The following SLC24A2 variants were observed in gnomAD, a reference collection of about 807,000 sequenced individuals.
The protein encoded by SLC24A2 is solute carrier family 24 member 2.
Under a neutral mutation model 62.0 loss-of-function variants are expected in SLC24A2, and 36 were observed. That is an observed-to-expected ratio of 0.58 (90% confidence interval 0.44 to 0.77). The LOEUF is 0.77. Ranked by LOEUF, SLC24A2 falls within the 30% of genes least tolerant of loss-of-function variation. The pLI, the probability that SLC24A2 is intolerant of heterozygous loss-of-function variation, is 0.00. For missense variants in SLC24A2, 846 were observed against 817.9 expected (o/e 1.03, Z -0.42); for synonymous variants, 358 against 294.0 (o/e 1.22, Z -2.23).
rs77557333 is a variant in SLC24A2 at position 19,732,406 on chromosome 9, A to G, written c.930+53531T>C. On this transcript the variant is annotated intron_variant, in intron 2 of 10. Transcript: ENST00000341998. ...ATACTAGCAATACTGGCTATTAAAG[A>G]GCATGAGAACCCCAACCCATGCAAC... Among the ~76,000 whole-genome samples the G allele has an allele frequency of 8.4e-3, 1,276 of 152,290 alleles. 19 individuals are homozygous for G. The highest frequency in any genetic ancestry group is 0.029 in the African/African-American group (1,212 of 41,556).
At chr9:19,768,709 C>T (rs1288768029) in intron 2 of SLC24A2, among the ~76,000 whole-genome samples, 4 of 152,178 alleles carry the variant, frequency 2.6e-5, no homozygotes, top group African/African-American at 9.7e-5. Context: ...TTGTTTATTT[C>T]AGGAATTTTC....
chr9:19,963,099 C>G, the SLC24A2 span, among the ~76,000 whole-genome samples: 2 of 151,442 alleles, frequency 1.3e-5, no homozygotes, highest in African/African-American at 2.4e-5. Context: ...ACAAACCTGA[C>G]AAAAACAAGA....
At position 19,512,615 on chromosome 9, in the gene SLC24A2, G is replaced by A. The variant is rs772438519; in HGVS notation, c.*3538C>T. 3.9e-5 allele frequency: 6 copies of A among 152,208 alleles called. No homozygotes were observed. Among genetic ancestry groups the A allele is most frequent in the Non-Finnish European group, 1.5e-5 (1 of 68,054 alleles). 9.4% of individuals were successfully genotyped at this position (152,208 alleles called of 1,614,324 possible). A position where few individuals can be genotyped will look rare whatever the true frequency, so the allele number is the denominator to read the frequency against. ...ATTTAGGAGTTTCTATTTGGGAATT[G>A]TCAGTTTGAGCCAAGCTGCTCTGCT... On this transcript the variant is annotated 3_prime_UTR_variant, in exon 11 of 11. Coordinates refer to ENST00000341998, the MANE Select transcript of SLC24A2 (RefSeq NM_020344.4).
chr9:19,587,514 G>A (rs1456445960), intron 5 of SLC24A2, among the ~76,000 whole-genome samples: 3 of 152,146 alleles, frequency 2.0e-5, no homozygotes, highest in Non-Finnish European at 2.9e-5. Context: ...AGAAGCACTG[G>A]CACATGCTGA....
chr9:20,297,349 T>C, the SLC24A2 span, among the ~76,000 whole-genome samples: 1 of 152,068 alleles, frequency 6.6e-6, no homozygotes, highest in Admixed American at 6.5e-5. Context: ...AAACTAGACC[T>C]GAAGACCAAA....
chr9:19,923,951 C>T, the SLC24A2 span, among the ~76,000 whole-genome samples: 3 of 152,264 alleles, frequency 2.0e-5, no homozygotes, highest in East Asian at 1.9e-4. Flanking sequence ...TTTCACCAGG[C>T]TGGTCTCGAA....
At chr9:19,621,237 T>C (rs1452424596) in intron 3 of SLC24A2, among the ~76,000 whole-genome samples, 1 of 152,216 alleles carries the variant, frequency 6.6e-6, no homozygotes. Context: ...AGAAATCACA[T>C]TGCCAATTCA....
chr9:19,545,959 C>T (rs928671872), intron 8 of SLC24A2, among the ~76,000 whole-genome samples: 1 of 152,230 alleles, frequency 6.6e-6, no homozygotes, highest in Non-Finnish European at 1.5e-5. Context: ...TAACAGGACC[C>T]TGTGCTGCAG....
the SLC24A2 span, among the ~76,000 whole-genome samples, chr9:20,281,329 T>C: frequency 6.6e-6 from 1 of 152,216 alleles, no homozygotes; most frequent in Non-Finnish European, 1.5e-5. Context: ...TTTATTGAAG[T>C]ATATACTTTT....
intron 2 of SLC24A2, among the ~76,000 whole-genome samples, chr9:19,720,614 A>G (rs375819222): frequency 1.9e-4 from 29 of 152,040 alleles, no homozygotes; most frequent in African/African-American, 6.5e-4. Context: ...ATTTTCCTCA[A>G]TGCTGGAGTC....
the SLC24A2 span, among the ~76,000 whole-genome samples, chr9:20,115,357 T>C: frequency 3.3e-5 from 5 of 152,100 alleles, no homozygotes; most frequent in African/African-American, 1.2e-4. Context: ...TTGTGTTTCT[T>C]TTGGAAGAAC....
chr9:20,227,734 A>T, the SLC24A2 span, among the ~76,000 whole-genome samples: 2 of 152,156 alleles, frequency 1.3e-5, no homozygotes, highest in African/African-American at 4.8e-5. Flanking sequence ...GCTCAGGCTT[A>T]AAGACTGAAT....
At chr9:20,219,146 T>C in the SLC24A2 span, among the ~76,000 whole-genome samples, 3 of 152,178 alleles carry the variant, frequency 2.0e-5, no homozygotes, top group Admixed American at 6.5e-5. Context: ...CCCTCAGTCT[T>C]CCCATTAGTG....
chr9:19,558,298 C>G (rs1835203293), intron 7 of SLC24A2, among the ~76,000 whole-genome samples: 1 of 152,084 alleles, frequency 6.6e-6, no homozygotes, highest in Non-Finnish European at 1.5e-5. Flanking sequence ...TTCCTAGGTG[C>G]AAATTTAAAA....
chr9:20,069,870 C>G, the SLC24A2 span, among the ~76,000 whole-genome samples: 2 of 152,078 alleles, frequency 1.3e-5, no homozygotes, highest in African/African-American at 2.4e-5. Flanking sequence ...TCATTCATGT[C>G]CCTTCTATTC....
chr9:19,947,028 A>G, the SLC24A2 span, among the ~76,000 whole-genome samples: 8 of 152,236 alleles, frequency 5.3e-5, no homozygotes, highest in Admixed American at 1.3e-4. Flanking sequence ...TAAGTGTTTT[A>G]TAACAGTGAC....
chr9:19,564,398 T>G (rs1343851925), intron 7 of SLC24A2, among the ~76,000 whole-genome samples: 1 of 152,110 alleles, frequency 6.6e-6, no homozygotes, highest in Non-Finnish European at 1.5e-5. Flanking sequence ...TATGGAGAAA[T>G]AAGTCAGAGC....
chr9:19,981,343 G>A, the SLC24A2 span, among the ~76,000 whole-genome samples: 6 of 152,094 alleles, frequency 3.9e-5, no homozygotes, highest in African/African-American at 1.4e-4. Context: ...TAGAATCTCT[G>A]ACTCCAAGGT....
At position 19,718,290 on chromosome 9, in the gene SLC24A2, T is replaced by TTC. The variant is rs1369826915; in HGVS notation, c.930+67646_930+67647insGA. ...ATGCCTGGCTGATTTAACACTTTTT[T>TTC]TTTTTTTTTTTTTTTTTTTTTAGAC... On this transcript the variant is annotated intron_variant, in intron 2 of 10. Transcript: ENST00000341998. Among the ~76,000 whole-genome samples, 12 of 120,208 alleles carry TTC rather than the reference T, an allele frequency of 1.0e-4. No individual in the cohort carries two copies. In the South Asian group the frequency reaches 3.7e-3, roughly 37 times the overall value. The allele number at this position is 120,208 out of a possible 152,430, so 78.9% of individuals were successfully genotyped here.
Sources: gnomAD v4.1 joint callset for allele counts (sites outside exome capture counted in the v4.1 genomes callset) on GRCh38, gnomAD v4.1.1 for gene constraint, MANE v1.5 for transcripts, NCBI Gene and HGNC (gene_info 2026-07-23, HGNC 2026-07-21) for gene names.